Variants in CFTR observed in about 807,000 individuals in gnomAD.
CFTR encodes the protein CF transmembrane conductance regulator.
CFTR carries 181 observed loss-of-function variants against 171.6 expected under a neutral mutation model. The observed-to-expected ratio is 1.05, with a 90% CI of 0.93 to 1.19. The LOEUF (loss-of-function observed/expected upper bound fraction) is 1.19. Ranked by LOEUF, CFTR falls within the 50% of genes most tolerant of loss-of-function variation. The pLI, the probability that CFTR is intolerant of heterozygous loss-of-function variation, is 0.00. For missense variants in CFTR, 1,968 were observed against 1,734.7 expected (o/e 1.13, Z -2.39); for synonymous variants, 583 against 608.0 (o/e 0.96, Z 0.60).
intron 22 of CFTR, among the ~76,000 whole-genome samples, chr7:117,630,698 T>C (rs1163925619): frequency 6.6e-6 from 1 of 152,130 alleles, no homozygotes; most frequent in Admixed American, 6.6e-5. Flanking sequence ...CATGTGGGGC[T>C]CCAGTCCACG....
At chr7:117,608,989 G>C (rs1423775471) in intron 18 of CFTR, among the ~76,000 whole-genome samples, 1 of 152,020 alleles carries the variant, frequency 6.6e-6, no homozygotes, top group Non-Finnish European at 1.5e-5. Flanking sequence ...TTCACCATGG[G>C]TAAATGTTGC....
At chr7:117,512,521 C>A (rs910708469) in intron 3 of CFTR, among the ~76,000 whole-genome samples, 3 of 150,734 alleles carry the variant, frequency 2.0e-5, no homozygotes, top group Non-Finnish European at 4.4e-5. Context: ...GTGGTCCCAG[C>A]TACTTGGGAG....
chr7:117,666,912 T>C lies in CFTR; in HGVS notation c.4247T>C (p.Ile1416Thr). ...CACTAACAGCCATTTCCCTAGGTCA[T>C]AGAAGAGAACAAAGTGCGGCAGTAC... The part of the protein sequence containing the change: ...AMLECQQFLV[I>T]EENKVRQYDS... Residue 1416 changes from isoleucine to threonine, a missense_variant, in exon 27 of 27, where the codon ATA becomes ACA. By Grantham distance (89) the Ile-to-Thr change is moderately conservative. Transcript: ENST00000003084. 6.2e-7 allele frequency: 1 copy of C among 1,613,998 alleles called. No individual in the cohort carries two copies. Among genetic ancestry groups the C allele is most frequent in the Non-Finnish European group, 8.5e-7 (1 of 1,179,944 alleles).
chr7:117,580,528 T>C (rs1160928515), intron 11 of CFTR, among the ~76,000 whole-genome samples: 1 of 152,052 alleles, frequency 6.6e-6, no homozygotes, highest in Non-Finnish European at 1.5e-5. Flanking sequence ...TTCATGAGGG[T>C]ATGTCTTAGA....
intron 10 of CFTR, among the ~76,000 whole-genome samples, chr7:117,549,658 G>C (rs964220467): frequency 1.3e-5 from 2 of 152,180 alleles, no homozygotes; most frequent in African/African-American, 4.8e-5. Context: ...CTATAAAATG[G>C]TTCCTTGTTC....
intron 21 of CFTR, 30 bp downstream of exon 21, chr7:117,614,743 GA>G (rs1460782559): frequency 1.3e-6 from 2 of 1,484,890 alleles, no homozygotes; most frequent in Non-Finnish European, 1.9e-6. Context: ...TAACTTTTAT[GA>G]AAAAAATTCA....
At chr7:117,625,193 C>G (rs953766779) in intron 21 of CFTR, among the ~76,000 whole-genome samples, 1 of 152,264 alleles carries the variant, frequency 6.6e-6, no homozygotes. Context: ...ATCACACGTT[C>G]TTGGCTATGC....
rs193922522 is a variant in CFTR, at chr7:117,652,861, G to T, written c.3893G>T (p.Gly1298Val). The change falls in exon 24 of 27, where the codon GGA (glycine) becomes GTA (valine). Residue 1298 changes from glycine (G) to valine (V), a missense_variant. Coordinates refer to ENST00000003084, the MANE Select transcript of CFTR (RefSeq NM_000492.4). ...CTATAGAAAGTATTTATTTTTTCTG[G>T]AACATTTAGAAAAAACTTGGATCCC... ...VIPQKVFIFS[G>V]TFRKNLDPYE... The T allele has an allele frequency of 1.2e-5, 18 of 1,557,052 alleles. No individual in the cohort carries two copies. Among genetic ancestry groups the T allele is most frequent in the Non-Finnish European group, 1.4e-5 (16 of 1,132,304 alleles).
chr7:117,656,095 C>A (rs1250655779), intron 24 of CFTR, among the ~76,000 whole-genome samples: 1 of 152,098 alleles, frequency 6.6e-6, no homozygotes, highest in African/African-American at 2.4e-5. Context: ...ACTACTTTGT[C>A]CTTTCCTAAT....
chr7:117,558,615 C>T (rs976286959), intron 10 of CFTR, among the ~76,000 whole-genome samples: 17 of 151,574 alleles, frequency 1.1e-4, no homozygotes, highest in Admixed American at 5.9e-4. Flanking sequence ...TCCTCTGCTA[C>T]CTCCTTTCCT....
chr7:117,611,419 C>T (rs1792382781), intron 19 of CFTR, among the ~76,000 whole-genome samples, 162 bp from the exon 20 acceptor site: 1 of 152,028 alleles, frequency 6.6e-6, no homozygotes, highest in South Asian at 2.1e-4. Context: ...AATAACAAAT[C>T]ATATCTATTC....
intron 11 of CFTR, among the ~76,000 whole-genome samples, chr7:117,582,468 C>T (rs1389711962): frequency 6.6e-6 from 1 of 152,062 alleles, no homozygotes. Flanking sequence ...GGCATTTTTC[C>T]CAGGGTACAC....
At chr7:117,606,865 T>TGAC (rs1792308780) in intron 18 of CFTR, 112 bp downstream of exon 18, 2 of 752,106 alleles carry the variant, frequency 2.7e-6, no homozygotes, top group African/African-American at 3.5e-5. Flanking sequence ...AAGTCCTGTC[T>TGAC]ATTGCATTAA....
rs1798929667 is a variant in CFTR, at chr7:117,535,254, G to A, written c.586G>A (p.Ala196Thr). Residue 196 changes from alanine (A) to threonine (T), a missense_variant, in exon 6 of 27, where the codon GCA (alanine) becomes ACA (threonine). By Grantham distance (58) the Ala-to-Thr change is moderately conservative (BLOSUM62 0). Transcript: ENST00000003084. ...NNLNKFDEGL[A>T]LAHFVWIAPL... Reference sequence around the variant, plus strand: ...CTGTGCTTTTATTTTCCAGGGACTTGCATTGGCACATTTCGTGTGGATCGC... The same window carrying A: ...CTGTGCTTTTATTTTCCAGGGACTTACATTGGCACATTTCGTGTGGATCGC... 10 of 1,614,064 alleles carry A rather than the reference G, an allele frequency of 6.2e-6. No individual in the cohort carries two copies. The highest frequency in any genetic ancestry group is 7.6e-6 in the Non-Finnish European group (9 of 1,179,986).
rs376704430 is a variant in CFTR at position 117,641,198 on chromosome 7, G to T, written c.3718-1240G>T. Among the ~76,000 whole-genome samples the T allele has an allele frequency of 1.7e-4, 26 of 152,184 alleles. No individual in the cohort carries two copies. The East Asian group carries it at 4.3e-3, about 25-fold the overall frequency. ...TTATTGCTTATCAGCTTATCCCAAA[G>T]ACCTAGTTTATTACCAGATTGCAAA... is the stretch of plus-strand genomic sequence containing the variant. On this transcript the variant is annotated intron_variant, in intron 22 of 26. Coordinates refer to ENST00000003084, the MANE Select transcript of CFTR (RefSeq NM_000492.4).
At chr7:117,510,193 G>T (rs1362923790) in intron 3 of CFTR, among the ~76,000 whole-genome samples, 1 of 151,968 alleles carries the variant, frequency 6.6e-6, no homozygotes, top group African/African-American at 2.4e-5. Flanking sequence ...GCATTTGGGG[G>T]TAAAAAGTAT....
intron 1 of CFTR, among the ~76,000 whole-genome samples, chr7:117,490,170 T>C (rs893393137): frequency 1.6e-4 from 25 of 151,962 alleles, no homozygotes; most frequent in South Asian, 4.1e-4. Context: ...ATTTACTTAA[T>C]CTCTCTGAAC....
intron 21 of CFTR, chr7:117,616,247 G>A (rs1792488554): frequency 1.5e-5 from 2 of 135,866 alleles, no homozygotes; most frequent in African/African-American, 5.5e-5. Flanking sequence ...TTTTTTTTTA[G>A]TTTGATCAGC....
intron 22 of CFTR, among the ~76,000 whole-genome samples, chr7:117,631,457 A>G (rs1455896696): frequency 2.6e-5 from 4 of 152,110 alleles, no homozygotes; most frequent in Non-Finnish European, 4.4e-5. Flanking sequence ...TGTCAGGGGG[A>G]TGGGTTGAAA....
Sources: allele counts gnomAD v4.1 joint callset (sites outside exome capture counted in the v4.1 genomes callset), GRCh38; gene constraint gnomAD v4.1.1; transcripts MANE v1.5; gene names NCBI Gene and HGNC (gene_info 2026-07-23, HGNC 2026-07-21).